Variants in CAST observed in about 807,000 individuals in gnomAD.
CAST encodes MIR583 host.
CAST carries 76 observed loss-of-function variants against 119.6 expected under a neutral mutation model. That is an observed-to-expected ratio of 0.64 (90% CI 0.53 to 0.77). The LOEUF is 0.77. Ranked by LOEUF, CAST falls within the 30% of genes least tolerant of loss-of-function variation. The probability of loss-of-function intolerance (pLI) is 0.00; values close to 1 mark genes in which losing one functional copy is unlikely to be tolerated. For missense variants in CAST, 953 were observed against 946.5 expected, an observed-to-expected ratio of 1.01 and a Z score of -0.09; for synonymous variants, 319 against 331.6, an observed-to-expected ratio of 0.96 and a Z score of 0.41.
intron 1 of CAST, among the ~76,000 whole-genome samples, chr5:96,609,676 G>T (rs1372629555): frequency 6.6e-6 from 1 of 152,176 alleles, no homozygotes; most frequent in Non-Finnish European, 1.5e-5. Flanking sequence ...TGTCTTTGAA[G>T]TAGGTGACAT....
At chr5:96,037,815 G>T in the CAST span, among the ~76,000 whole-genome samples, 1 of 152,256 alleles carries the variant, frequency 6.6e-6, no homozygotes, top group East Asian at 1.9e-4. Flanking sequence ...GGTGGCTGGG[G>T]CTAGAGTAAT....
At chr5:96,452,956 C>CAAAAAAAAAAA in the CAST span, among the ~76,000 whole-genome samples, 246 of 62,656 alleles carry the variant, frequency 3.9e-3, 17 homozygotes, top group African/African-American at 0.029. Context: ...GACTCCGTCT[C>CAAAAAAAAAAA]AAAAAAAAAA....
At chr5:96,098,681 G>C in the CAST span, among the ~76,000 whole-genome samples, 1 of 152,014 alleles carries the variant, frequency 6.6e-6, no homozygotes, top group Non-Finnish European at 1.5e-5. Flanking sequence ...CACTGGTCTA[G>C]GTAACTGTTT....
chr5:96,085,031 G>A, the CAST span, among the ~76,000 whole-genome samples: 1 of 152,156 alleles, frequency 6.6e-6, no homozygotes, highest in African/African-American at 2.4e-5. Context: ...CCCCATTCCA[G>A]CTATCTTCTT....
At chr5:96,661,425 A>G (rs1455355620), upstream of CAST, among the ~76,000 whole-genome samples, 1 of 77,118 alleles carries the variant, frequency 1.3e-5, no homozygotes, top group Non-Finnish European at 2.4e-5. Flanking sequence ...TCCAGAAAAA[A>G]AAAAAAAAAA....
the CAST span, among the ~76,000 whole-genome samples, chr5:96,069,195 G>A: frequency 6.6e-6 from 1 of 151,626 alleles, no homozygotes; most frequent in Non-Finnish European, 1.5e-5. Context: ...ATACACATGG[G>A]AAGACAGGTG....
At chr5:96,568,236 G>A (rs1434838975) in intron 1 of CAST, among the ~76,000 whole-genome samples, 3 of 152,058 alleles carry the variant, frequency 2.0e-5, no homozygotes, top group African/African-American at 7.2e-5. Context: ...GTCATACATT[G>A]TTGACAGATG....
At chr5:96,227,988 T>A in the CAST span, among the ~76,000 whole-genome samples, 2 of 142,686 alleles carry the variant, frequency 1.4e-5, no homozygotes, top group Admixed American at 1.5e-4. Flanking sequence ...TTTTGTAGTC[T>A]CCCTCTTTCT....
the CAST span, among the ~76,000 whole-genome samples, chr5:96,404,722 G>T: frequency 3.9e-5 from 6 of 152,184 alleles, no homozygotes; most frequent in Non-Finnish European, 8.8e-5. Flanking sequence ...GTTGCTGATA[G>T]CACAGACTTT....
chr5:96,104,054 G>T, the CAST span, among the ~76,000 whole-genome samples: 1 of 152,100 alleles, frequency 6.6e-6, no homozygotes, highest in African/African-American at 2.4e-5. Flanking sequence ...GTCTGTTCAT[G>T]TCCTTCGCCC....
At chr5:96,366,117 G>C in the CAST span, among the ~76,000 whole-genome samples, 2 of 152,162 alleles carry the variant, frequency 1.3e-5, no homozygotes, top group Non-Finnish European at 2.9e-5. Context: ...GAAATTCTGG[G>C]TTGAAAATTC....
chr5:96,423,442 C>T, the CAST span: 25 of 1,613,998 alleles, frequency 1.5e-5, no homozygotes, highest in Middle Eastern at 1.6e-4. Flanking sequence ...GCAGGGCTGC[C>T]GTCATCCTGG....
At chr5:96,355,076 A>T in the CAST span, among the ~76,000 whole-genome samples, 1 of 151,980 alleles carries the variant, frequency 6.6e-6, no homozygotes, top group Non-Finnish European at 1.5e-5. Context: ...GGTTTTTTAC[A>T]TAGGTATAAA....
chr5:96,108,540 A>G, the CAST span, among the ~76,000 whole-genome samples: 18 of 151,454 alleles, frequency 1.2e-4, no homozygotes, highest in Admixed American at 4.6e-4. Context: ...CTGCTCGGGG[A>G]TCAGGGGTCA....
chr5:96,102,552 C>T, the CAST span, among the ~76,000 whole-genome samples: 4 of 152,068 alleles, frequency 2.6e-5, no homozygotes, highest in Non-Finnish European at 5.9e-5. Flanking sequence ...CACTTTGGGC[C>T]GTGGGTTTCA....
the CAST span, among the ~76,000 whole-genome samples, chr5:95,998,433 C>T: frequency 6.6e-6 from 1 of 152,056 alleles, no homozygotes; most frequent in Non-Finnish European, 1.5e-5. Flanking sequence ...CTTTTGTAGA[C>T]TCCAGTGTCT....
At chr5:96,710,346 C>G (rs916614907) in intron 3 of CAST, among the ~76,000 whole-genome samples, 1 of 152,274 alleles carries the variant, frequency 6.6e-6, no homozygotes, top group African/African-American at 2.4e-5. Flanking sequence ...TGAGCCACTA[C>G]AAAGCCATCT....
chr5:96,431,958 C>T, the CAST span: 2 of 717,046 alleles, frequency 2.8e-6, no homozygotes, highest in African/African-American at 3.5e-5. Context: ...CGGAATCGCT[C>T]AGCTATAAGC....
At chr5:95,973,169 A>G in the CAST span, 1 of 179,872 alleles carries the variant, frequency 5.6e-6, no homozygotes, top group Admixed American at 5.1e-5. Context: ...TGTTGAACCA[A>G]TGTGCCATGT....
Sources: gnomAD v4.1 joint callset for allele counts (sites outside exome capture counted in the v4.1 genomes callset) on GRCh38, gnomAD v4.1.1 for gene constraint, MANE v1.5 for transcripts, NCBI Gene and HGNC (gene_info 2026-07-23, HGNC 2026-07-21) for gene names.